ZNF714: variants seen among roughly 807,000 people sequenced by gnomAD.
The protein encoded by ZNF714 is zinc finger protein 714.
A neutral mutation model predicts 46.2 loss-of-function variants in ZNF714; 32 were observed. That is an observed-to-expected ratio of 0.69 (90% confidence interval 0.52 to 0.93). The LOEUF is 0.93. ZNF714 is among the 40% of genes least tolerant of loss of function. The pLI, the probability that ZNF714 is intolerant of heterozygous loss-of-function variation, is 0.00. For missense variants in ZNF714, 635 were observed against 646.3 expected, an observed-to-expected ratio of 0.98 and a Z score of 0.19; for synonymous variants, 199 against 213.1, an observed-to-expected ratio of 0.93 and a Z score of 0.58.
intron 4 of ZNF714, among the ~76,000 whole-genome samples, chr19:21,107,483 C>T (rs965236980): frequency 2.0e-5 from 3 of 152,162 alleles, no homozygotes; most frequent in Non-Finnish European, 4.4e-5. Flanking sequence ...AGGTGATCCG[C>T]CCACCTTGGC....
intron 4 of ZNF714, among the ~76,000 whole-genome samples, chr19:21,112,847 G>T (rs1260348023): frequency 9.2e-5 from 2 of 21,702 alleles, no homozygotes; most frequent in Non-Finnish European, 3.4e-4. Flanking sequence ...TTTTGAGACG[G>T]AGTCTCGCTC....
intron 2 of ZNF714, among the ~76,000 whole-genome samples, chr19:21,084,901 T>C (rs1968740207): frequency 6.6e-6 from 1 of 152,056 alleles, no homozygotes; most frequent in African/African-American, 2.4e-5. Flanking sequence ...ATAACAGGTG[T>C]GAGCCACCAC....
intron 2 of ZNF714, among the ~76,000 whole-genome samples, chr19:21,087,246 A>AAAAT (rs1968805494): frequency 7.9e-6 from 1 of 126,438 alleles, no homozygotes; most frequent in South Asian, 2.7e-4. Flanking sequence ...AAAAAAAAAA[A>AAAAT]CATGATCGAC....
chr19:21,095,581 G>C (rs1455471962), intron 2 of ZNF714, among the ~76,000 whole-genome samples: 1 of 151,826 alleles, frequency 6.6e-6, no homozygotes, highest in Non-Finnish European at 1.5e-5. Context: ...TCCTGCCTCA[G>C]CCTCCCGAGT....
At chr19:21,100,514 A>G (rs1969152286) in intron 4 of ZNF714, among the ~76,000 whole-genome samples, 1 of 152,064 alleles carries the variant, frequency 6.6e-6, no homozygotes, top group Non-Finnish European at 1.5e-5. Flanking sequence ...CCTGGGCAGC[A>G]TGAGCAAAAC....
intron 4 of ZNF714, among the ~76,000 whole-genome samples, chr19:21,104,113 T>G (rs1460484686): frequency 6.6e-6 from 1 of 152,216 alleles, no homozygotes; most frequent in Non-Finnish European, 1.5e-5. Flanking sequence ...TCATACAGTT[T>G]TTATCATTTT....
At chr19:21,089,138 CA>C (rs965731487) in intron 2 of ZNF714, among the ~76,000 whole-genome samples, 46 of 152,202 alleles carry the variant, frequency 3.0e-4, no homozygotes, top group African/African-American at 1.0e-3. Flanking sequence ...TCAGATAATG[CA>C]ATGCAAAACA....
chr19:21,094,596 A>C (rs1302277521), intron 2 of ZNF714, among the ~76,000 whole-genome samples: 1 of 152,142 alleles, frequency 6.6e-6, no homozygotes, highest in Non-Finnish European at 1.5e-5. Flanking sequence ...GTGTGATCTC[A>C]GCTCATTGCA....
Position 21,117,890 on chromosome 19 carries a change from C to T in ZNF714, c.1226C>T (p.Ser409Phe), listed in dbSNP as rs758859871. Reference sequence around the variant, plus strand: ...GAATGTGGCAAAGCTTTTAACCAATCCTCAAACCTTACCAAACATAAGATA... The same window carrying T: ...GAATGTGGCAAAGCTTTTAACCAATTCTCAAACCTTACCAAACATAAGATA... Reference protein sequence around the residue: ...CEECGKAFNQSSNLTKHKIIH... With the variant: ...CEECGKAFNQFSNLTKHKIIH... The change falls in exon 5 of 5, where the codon TCC becomes TTC. Residue 409 changes from serine to phenylalanine, a missense_variant. Transcript: ENST00000456283. 4 of 1,612,938 alleles carry T rather than the reference C, an allele frequency of 2.5e-6. No individual in the cohort carries two copies. The Admixed American group carries it at 6.7e-5, about 27-fold the overall frequency.
intron 2 of ZNF714, among the ~76,000 whole-genome samples, chr19:21,093,247 T>C (rs1968960700): frequency 6.6e-6 from 1 of 151,744 alleles, no homozygotes; most frequent in South Asian, 2.1e-4. Flanking sequence ...TATTTATTTT[T>C]TGAGATGGAG....
chr19:21,107,394 C>T (rs1237435899), intron 4 of ZNF714, among the ~76,000 whole-genome samples: 2 of 152,134 alleles, frequency 1.3e-5, no homozygotes, highest in Non-Finnish European at 2.9e-5. Flanking sequence ...CATGTGCCAC[C>T]ACGCCTGGCT....
At chr19:21,108,851 A>G (rs991552202) in intron 4 of ZNF714, among the ~76,000 whole-genome samples, 2 of 152,130 alleles carry the variant, frequency 1.3e-5, no homozygotes, top group Non-Finnish European at 2.9e-5. Context: ...GATCTCTACA[A>G]TTATGTTGCT....
intron 4 of ZNF714, among the ~76,000 whole-genome samples, chr19:21,103,220 A>G (rs1045389080): frequency 4.9e-5 from 7 of 143,860 alleles, no homozygotes; most frequent in Admixed American, 2.7e-4. Flanking sequence ...GTAATTTAGT[A>G]TTTTTTCCAT....
intron 2 of ZNF714, among the ~76,000 whole-genome samples, chr19:21,096,844 A>G (rs1041931805): frequency 6.6e-6 from 1 of 151,614 alleles, no homozygotes; most frequent in Admixed American, 6.6e-5. Context: ...TTATTTAAAC[A>G]GGATGGCATT....
In ZNF714 at chr19:21,083,224, C is replaced by T. The variant is rs1483353965; in HGVS notation, c.-176-754C>T. On this transcript the variant is annotated intron_variant, in intron 1 of 4. Transcript: ENST00000456283. ...TCTAATTTTGTGGTTTTAGTAGAGA[C>T]GGGTTTCTGCATGTTGGTCAGGCTG... is the stretch of plus-strand genomic sequence containing the variant. Among the ~76,000 whole-genome samples the T allele has an allele frequency of 2.0e-5, 3 of 152,142 alleles. No homozygotes were observed. The East Asian group carries it at 5.8e-4, about 29-fold the overall frequency.
At chr19:21,091,771 G>A (rs1253104554) in intron 2 of ZNF714, 2 of 151,780 alleles carry the variant, frequency 1.3e-5, no homozygotes, top group Non-Finnish European at 1.5e-5. Flanking sequence ...ACAGTGTTTT[G>A]CTGAGTTCTG....
intron 2 of ZNF714, among the ~76,000 whole-genome samples, chr19:21,086,721 G>A (rs1314730158): frequency 6.6e-6 from 1 of 152,148 alleles, no homozygotes. Flanking sequence ...ATGCAGCCCA[G>A]TCAGTCTCAG....
intron 4 of ZNF714, among the ~76,000 whole-genome samples, chr19:21,101,908 A>T (rs2144849540): frequency 6.6e-6 from 1 of 152,216 alleles, no homozygotes; most frequent in African/African-American, 2.4e-5. Flanking sequence ...AACACTCCTC[A>T]ATCTTGGGCT....
In ZNF714 at chr19:21,117,244, G is replaced by A. The variant is rs748250691; in HGVS notation, c.580G>A (p.Val194Ile). The A allele has an allele frequency of 1.2e-6, 2 of 1,613,678 alleles. No homozygotes were observed. Among genetic ancestry groups the A allele is most frequent in the African/African-American group, 1.3e-5 (1 of 74,852 alleles). ...RFSTLTRHKR[V>I]HTGEKPFKCE... ...CTCAACCCTTACTAGACACAAGAGA[G>A]TTCATACTGGAGAGAAACCCTTCAA... is the stretch of plus-strand genomic sequence containing the variant. The change falls in exon 5 of 5, where the codon GTT (valine) becomes ATT (isoleucine). Residue 194 changes from valine to isoleucine, a missense_variant. Coordinates refer to ENST00000456283, the MANE Select transcript of ZNF714 (RefSeq NM_182515.4).
Sources: gnomAD v4.1 joint callset for allele counts (sites outside exome capture counted in the v4.1 genomes callset) on GRCh38, gnomAD v4.1.1 for gene constraint, MANE v1.5 for transcripts, NCBI Gene and HGNC (gene_info 2026-07-23, HGNC 2026-07-21) for gene names.